CFAP54: variants seen among roughly 807,000 people sequenced by gnomAD.
The protein encoded by CFAP54 is cilia and flagella associated protein 54.
In CFAP54, 290 loss-of-function variants were observed where a neutral mutation model predicts 370.4. That is an observed-to-expected ratio of 0.78 (90% CI 0.71 to 0.86). CFAP54 has a LOEUF of 0.86. Ranked by LOEUF, CFAP54 falls within the 40% of genes least tolerant of loss-of-function variation. The pLI is 0.00. For synonymous variants in CFAP54, 1,206 were observed against 1,236.5 expected (o/e 0.98, Z 0.52); for missense variants, 3,399 against 3,528.7 (o/e 0.96, Z 0.93).
At chr12:96,710,216 G>A (rs1180010043) in intron 48 of CFAP54, among the ~76,000 whole-genome samples, 2 of 141,008 alleles carry the variant, frequency 1.4e-5, no homozygotes, top group Non-Finnish European at 3.1e-5. Flanking sequence ...TCAGATGACT[G>A]CTACTGAAAA....
At chr12:96,819,276 C>T (rs910559982) in intron 65 of CFAP54, among the ~76,000 whole-genome samples, 3 of 152,196 alleles carry the variant, frequency 2.0e-5, no homozygotes, top group Non-Finnish European at 2.9e-5. Context: ...CATCATGGAA[C>T]ATCACCAGTC....
chr12:96,663,578 T>C (rs552070975), intron 38 of CFAP54, among the ~76,000 whole-genome samples: 5 of 152,330 alleles, frequency 3.3e-5, no homozygotes, highest in Admixed American at 2.0e-4. Context: ...TAGGAAATCA[T>C]ATTCTAATTG....
chr12:96,715,505 C>G (rs758315604), intron 48 of CFAP54, among the ~76,000 whole-genome samples: 1 of 152,076 alleles, frequency 6.6e-6, no homozygotes, highest in East Asian at 1.9e-4. Flanking sequence ...CAGTGAAACA[C>G]TGGTACTGTC....
At chr12:96,848,098 A>G (rs2136451682) in intron 66 of CFAP54, among the ~76,000 whole-genome samples, 1 of 152,114 alleles carries the variant, frequency 6.6e-6, no homozygotes, top group Admixed American at 6.5e-5. Flanking sequence ...TGTTTTTGAG[A>G]CGGTGTCTTG....
intron 65 of CFAP54, among the ~76,000 whole-genome samples, chr12:96,827,754 A>AATTATATATAATTATAT (rs1463485655): frequency 2.1e-5 from 1 of 47,040 alleles, no homozygotes; most frequent in Non-Finnish European, 4.4e-5. Context: ...TATAATACAT[A>AATTATATATAATTATAT]GTAACATATT....
chr12:96,779,606 C>T (rs962708518), intron 60 of CFAP54, among the ~76,000 whole-genome samples: 1 of 148,506 alleles, frequency 6.7e-6, no homozygotes, highest in Non-Finnish European at 1.5e-5. Flanking sequence ...ATTAAGATTT[C>T]ACTACATGAA....
rs745381639 is a variant in CFAP54, at chr12:96,626,943, C to T, written c.4103+4C>T. The T allele has an allele frequency of 9.6e-6, 13 of 1,348,392 alleles. 1 individual carries two copies. In the South Asian group the frequency reaches 2.0e-4, roughly 21 times the overall value. 83.5% of individuals were successfully genotyped at this position (1,348,392 alleles called of 1,614,324 possible). A position where few individuals can be genotyped will look rare whatever the true frequency, so the allele number is the denominator to read the frequency against. On this transcript the variant is annotated splice_donor_region_variant and intron_variant, in intron 30 of 67. Transcript: ENST00000524981. The stretch of plus-strand genomic sequence containing the variant: ...CTGTCCATGACTTCTTGAAAAGGTA[C>T]TTGCAATTATCAGTGTTATACATGT...
chr12:96,733,060 A>G (rs1341169999), intron 50 of CFAP54, among the ~76,000 whole-genome samples: 1 of 152,212 alleles, frequency 6.6e-6, no homozygotes. Context: ...GGACTGTCAT[A>G]ATAGAACTTT....
At chr12:96,614,313 G>A (rs370692893) in intron 26 of CFAP54, among the ~76,000 whole-genome samples, 101 of 152,222 alleles carry the variant, frequency 6.6e-4, no homozygotes, top group Non-Finnish European at 1.1e-3. Flanking sequence ...AAATTCAACA[G>A]CCCTTCATGC....
At chr12:96,755,722 C>T (rs1464511127) in intron 56 of CFAP54, among the ~76,000 whole-genome samples, 3 of 145,410 alleles carry the variant, frequency 2.1e-5, no homozygotes, top group Admixed American at 7.3e-5. Flanking sequence ...GGCTGGAGTG[C>T]AGTGGTGTGA....
Position 96,554,811 on chromosome 12 carries a change from C to A in CFAP54, c.2410+9C>A. The A allele has an allele frequency of 1.3e-6, 2 of 1,526,798 alleles. No individual in the cohort carries two copies. Among genetic ancestry groups the A allele is most frequent in the South Asian group, 2.4e-5 (2 of 82,574 alleles). The allele number at this position is 1,526,798 out of a possible 1,614,324, so 94.6% of individuals were successfully genotyped here. A position where few individuals can be genotyped will look rare whatever the true frequency, so the allele number is the denominator to read the frequency against. On this transcript the variant is annotated intron_variant, in intron 17 of 67. Coordinates refer to ENST00000524981, the MANE Select transcript of CFAP54 (RefSeq NM_001306084.2). ...TCTGGACAAATTGCAAGGTAGTAGT[C>A]ACTAAAGCAAGTAACCATTCTGAAT...
intron 39 of CFAP54, among the ~76,000 whole-genome samples, chr12:96,673,564 G>A (rs1454356035): frequency 6.6e-6 from 1 of 152,064 alleles, no homozygotes; most frequent in Non-Finnish European, 1.5e-5. Context: ...ATGTTTTTTG[G>A]TCTATGCTCT....
intron 25 of CFAP54, 31 bp downstream of exon 25, chr12:96,594,477 A>G (rs901989819): frequency 2.8e-6 from 4 of 1,413,134 alleles, no homozygotes; most frequent in Non-Finnish European, 3.8e-6. Flanking sequence ...AAGAGAAGGG[A>G]ATCTTTATAA....
intron 67 of CFAP54, among the ~76,000 whole-genome samples, chr12:96,870,433 C>T (rs536221987): frequency 2.3e-4 from 35 of 152,282 alleles, no homozygotes; most frequent in Admixed American, 3.9e-4. Context: ...GCTATGACAT[C>T]GGATAGTCCT....
At chr12:96,858,828 T>G (rs1393487894) in intron 66 of CFAP54, among the ~76,000 whole-genome samples, 2 of 152,102 alleles carry the variant, frequency 1.3e-5, no homozygotes, top group Non-Finnish European at 2.9e-5. Flanking sequence ...CCAGAGCAAT[T>G]TACAGATTCA....
chr12:96,500,700 T>C lies in CFAP54; in HGVS notation c.318-134T>C, dbSNP rs1170097011. On this transcript the variant is annotated intron_variant, in intron 1 of 67. Transcript: ENST00000524981. ...ATTTTAACTGTAATTACATTTATTA[T>C]TAATAATTGGACATTAACAATAAGG... is the stretch of plus-strand genomic sequence containing the variant. 29 of 518,676 alleles carry C rather than the reference T, an allele frequency of 5.6e-5. No individual in the cohort carries two copies. In the East Asian group the frequency reaches 8.4e-4, roughly 15 times the overall value. 32.1% of individuals were successfully genotyped at this position (518,676 alleles called of 1,614,324 possible).
At chr12:96,688,485 T>C (rs543962493) in intron 42 of CFAP54, among the ~76,000 whole-genome samples, 2 of 152,352 alleles carry the variant, frequency 1.3e-5, no homozygotes, top group South Asian at 2.1e-4. Context: ...TACCTCAGCA[T>C]TGGAAAATGC....
intron 62 of CFAP54, among the ~76,000 whole-genome samples, chr12:96,791,253 C>T (rs556626091): frequency 2.0e-5 from 3 of 147,384 alleles, no homozygotes; most frequent in South Asian, 2.2e-4. Context: ...GGCGTGATAT[C>T]GGCTCACTGC....
intron 3 of CFAP54, among the ~76,000 whole-genome samples, chr12:96,504,973 TTCC>T (rs1955077718): frequency 1.3e-5 from 2 of 150,772 alleles, no homozygotes; most frequent in Non-Finnish European, 2.9e-5. Flanking sequence ...CTTTCTTTCT[TTCC>T]CTTTCTTTCT....
Sources: gnomAD v4.1 joint callset for allele counts (sites outside exome capture counted in the v4.1 genomes callset) on GRCh38, gnomAD v4.1.1 for gene constraint, MANE v1.5 for transcripts, NCBI Gene and HGNC (gene_info 2026-07-23, HGNC 2026-07-21) for gene names.